The following PPP1R9A variants were observed in gnomAD, a reference collection of about 807,000 sequenced individuals.
PPP1R9A encodes neurabin-1.
Under a neutral mutation model 141.9 loss-of-function variants are expected in PPP1R9A, and 59 were observed. The ratio of observed to expected loss-of-function variants is 0.42; its 90% confidence interval spans 0.34 to 0.52. PPP1R9A has a LOEUF of 0.52. Among genes scored for constraint, PPP1R9A ranks in the 20% least tolerant of loss-of-function variants. The pLI, the probability that PPP1R9A is intolerant of heterozygous loss-of-function variation, is 0.10. For missense variants in PPP1R9A, 1,444 were observed against 1,611.9 expected, an observed-to-expected ratio of 0.90 and a Z score of 1.78; for synonymous variants, 500 against 569.7, an observed-to-expected ratio of 0.88 and a Z score of 1.74.
chr7:95,153,058 C>G (rs1451678968), intron 4 of PPP1R9A, among the ~76,000 whole-genome samples: 1 of 152,006 alleles, frequency 6.6e-6, no homozygotes, highest in East Asian at 1.9e-4. Flanking sequence ...CCATATTGGC[C>G]AGGCTGGTCT....
At chr7:95,038,199 A>T (rs1808724376) in intron 2 of PPP1R9A, among the ~76,000 whole-genome samples, 1 of 152,076 alleles carries the variant, frequency 6.6e-6, no homozygotes, top group Admixed American at 6.6e-5. Context: ...TTGGACCCTG[A>T]AGCAGATATT....
chr7:95,076,620 G>A (rs1271659093), intron 2 of PPP1R9A, among the ~76,000 whole-genome samples: 1 of 151,904 alleles, frequency 6.6e-6, no homozygotes, highest in African/African-American at 2.4e-5. Flanking sequence ...TTTTTAGTTT[G>A]TTAGTGTGTA....
chr7:95,136,212 C>T (rs1373145535), intron 4 of PPP1R9A, among the ~76,000 whole-genome samples: 1 of 152,100 alleles, frequency 6.6e-6, no homozygotes, highest in African/African-American at 2.4e-5. Context: ...TTAAGGTAGT[C>T]TAGAATCAAC....
chr7:94,970,899 C>T (rs1798789741), intron 2 of PPP1R9A, among the ~76,000 whole-genome samples: 1 of 152,098 alleles, frequency 6.6e-6, no homozygotes, highest in African/African-American at 2.4e-5. Context: ...TTTAAATCTT[C>T]TGTACCTCTA....
chr7:95,183,494 A>G (rs545237407), intron 5 of PPP1R9A, among the ~76,000 whole-genome samples: 12 of 123,436 alleles, frequency 9.7e-5, no homozygotes, highest in Non-Finnish European at 1.9e-4. Context: ...TCTGTTGCCC[A>G]GGCTGGAGTG....
chr7:95,254,832 T>C (rs1799361408), intron 12 of PPP1R9A, among the ~76,000 whole-genome samples: 1 of 152,170 alleles, frequency 6.6e-6, no homozygotes, highest in South Asian at 2.1e-4. Flanking sequence ...GTAAAACCTT[T>C]TTCCAAACCA....
chr7:95,182,757 G>A (rs1834045106), intron 5 of PPP1R9A, among the ~76,000 whole-genome samples: 1 of 152,152 alleles, frequency 6.6e-6, no homozygotes, highest in South Asian at 2.1e-4. Flanking sequence ...GATCATGGAT[G>A]TTAGATCTCC....
chr7:95,235,490 G>A (rs1170183280), intron 8 of PPP1R9A, among the ~76,000 whole-genome samples: 2 of 152,128 alleles, frequency 1.3e-5, no homozygotes, highest in African/African-American at 4.8e-5. Context: ...ACTCCTGCAA[G>A]AATGGCCATA....
intron 12 of PPP1R9A, among the ~76,000 whole-genome samples, chr7:95,252,426 GGAT>G (rs1799005112): frequency 1.3e-5 from 2 of 150,530 alleles, no homozygotes; most frequent in African/African-American, 4.9e-5. Context: ...ATCCTATCTA[GGAT>G]GAACTACACT....
intron 2 of PPP1R9A, among the ~76,000 whole-genome samples, chr7:94,993,536 C>T (rs1801779970): frequency 6.6e-6 from 1 of 152,080 alleles, no homozygotes; most frequent in East Asian, 1.9e-4. Flanking sequence ...AGCTGTAGCT[C>T]TATTTGTATA....
At chr7:94,980,217 T>C (rs1327564057) in intron 2 of PPP1R9A, among the ~76,000 whole-genome samples, 2 of 149,522 alleles carry the variant, frequency 1.3e-5, no homozygotes, top group Non-Finnish European at 3.0e-5. Flanking sequence ...GAAAATCTCA[T>C]AATGTTTAAG....
At position 95,268,561 on chromosome 7, in the gene PPP1R9A, G is replaced by A. The variant is rs770791741; in HGVS notation, c.2677G>A (p.Ala893Thr). The change falls in exon 13 of 20, where the codon GCA becomes ACA. Residue 893 changes from alanine to threonine, a missense_variant. Ala to Thr is a moderately conservative substitution (Grantham distance 58, BLOSUM62 0). Around this residue, in one of 5 missense-constraint regions of PPP1R9A, gnomAD observed 488 missense variants for 542.0 expected, o/e 0.90. Transcript: ENST00000433360. ...TTCAATATTCTTAGACTTGAATGAA[G>A]CAGTCCCAGAGACAGAGCGCCTGGA... ...QDGLSQDLNE[A>T]VPETERLDSK... 58 of 1,612,962 alleles carry A rather than the reference G, an allele frequency of 3.6e-5. No homozygotes were observed. The highest frequency in any genetic ancestry group is 4.7e-5 in the Non-Finnish European group (56 of 1,179,370).
intron 12 of PPP1R9A, among the ~76,000 whole-genome samples, chr7:95,259,251 T>C (rs1800065525): frequency 6.6e-6 from 1 of 151,868 alleles, no homozygotes; most frequent in Non-Finnish European, 1.5e-5. Flanking sequence ...AAAGTAATAA[T>C]TTTATAGTTT....
At chr7:94,985,358 G>A (rs543172116) in intron 2 of PPP1R9A, among the ~76,000 whole-genome samples, 4 of 152,172 alleles carry the variant, frequency 2.6e-5, no homozygotes, top group Non-Finnish European at 5.9e-5. Context: ...GCAGAGCTGA[G>A]TTCAAGTCCT....
chr7:95,233,781 A>G (rs1048222792), intron 8 of PPP1R9A, among the ~76,000 whole-genome samples: 3 of 152,210 alleles, frequency 2.0e-5, no homozygotes, highest in Non-Finnish European at 4.4e-5. Flanking sequence ...AATTCTCAAC[A>G]AATTACTAGT....
chr7:95,275,403 CAA>C (rs10708689), intron 16 of PPP1R9A, among the ~76,000 whole-genome samples: 120 of 96,828 alleles, frequency 1.2e-3, no homozygotes, highest in East Asian at 3.6e-3. Flanking sequence ...GACTCCGTCT[CAA>C]AAAAAAAAAA....
chr7:95,150,853 G>A (rs975145303), intron 4 of PPP1R9A, among the ~76,000 whole-genome samples: 19 of 151,902 alleles, frequency 1.3e-4, no homozygotes, highest in African/African-American at 4.6e-4. Context: ...ATGCTCAAAA[G>A]ACCTGATCAT....
chr7:94,994,244 CTG>C (rs938674669), intron 2 of PPP1R9A, among the ~76,000 whole-genome samples: 15 of 152,218 alleles, frequency 9.9e-5, no homozygotes, highest in African/African-American at 3.4e-4. Context: ...TCAGATTCTT[CTG>C]TGTCTTCATT....
In PPP1R9A at chr7:95,225,991, G is replaced by C. The variant is rs768037247; in HGVS notation, c.1987G>C (p.Asp663His). The C allele has an allele frequency of 6.2e-7, 1 of 1,611,638 alleles. No individual in the cohort carries two copies. Among genetic ancestry groups the C allele is most frequent in the Admixed American group, 1.7e-5 (1 of 59,934 alleles). ...TGEYATDEEE[D>H]EVGPVLPGSD... ...AGAATATGCCACAGATGAAGAAGAA[G>C]ATGAGGTAGGACCTGTCCTTCCTGG... Residue 663 changes from aspartate to histidine, a missense_variant, in exon 8 of 20, where the codon GAT becomes CAT. By Grantham distance (81) the Asp-to-His change is moderately conservative. Around this residue, in one of 5 missense-constraint regions of PPP1R9A, gnomAD observed 488 missense variants for 542.0 expected, o/e 0.90. Coordinates refer to ENST00000433360, the MANE Select transcript of PPP1R9A (RefSeq NM_001166160.2).
Sources: allele counts gnomAD v4.1 joint callset (sites outside exome capture counted in the v4.1 genomes callset), GRCh38; gene constraint gnomAD v4.1.1; regional missense constraint gnomAD v4.1.1; transcripts MANE v1.5; gene names NCBI Gene and HGNC (gene_info 2026-07-23, HGNC 2026-07-21).